Variants in TJP3 observed in about 807,000 individuals in gnomAD.
TJP3 encodes the protein tight junction protein ZO-3.
Under a neutral mutation model 104.2 loss-of-function variants are expected in TJP3, and 85 were observed. That is an observed-to-expected ratio of 0.82 (90% CI 0.68 to 0.98). The LOEUF is 0.98. Among genes scored for constraint, TJP3 ranks in the 50% least tolerant of loss-of-function variants. The pLI is 0.00. For synonymous variants in TJP3, 550 were observed against 550.6 expected (o/e 1.00, Z 0.02); for missense variants, 1,367 against 1,322.8 (o/e 1.03, Z -0.52).
At chr19:3,718,208 A>G (rs1407848154) in intron 1 of TJP3, among the ~76,000 whole-genome samples, 1 of 128,092 alleles carries the variant, frequency 7.8e-6, no homozygotes, top group Non-Finnish European at 1.7e-5. Flanking sequence ...AAAAAAAAAA[A>G]AAAAGTGTGT....
chr19:3,729,898 G>T, intron 3 of TJP3, 130 bp from the exon 4 acceptor site: 1 of 708,240 alleles, frequency 1.4e-6, no homozygotes, highest in Non-Finnish European at 2.5e-6. Context: ...TGTGAACCTA[G>T]GGACACCAAT....
chr19:3,713,173 A>G (rs564762341), intron 1 of TJP3, among the ~76,000 whole-genome samples: 1 of 152,086 alleles, frequency 6.6e-6, no homozygotes, highest in African/African-American at 2.4e-5. Flanking sequence ...GGCCACACCT[A>G]GAATCTGCCC....
At chr19:3,726,075 G>A (rs945542817) in intron 1 of TJP3, among the ~76,000 whole-genome samples, 14 of 152,250 alleles carry the variant, frequency 9.2e-5, no homozygotes, top group Non-Finnish European at 1.9e-4. Context: ...CGCACCAATG[G>A]GGGGTGCCTG....
In TJP3 at chr19:3,711,060, C is replaced by T. The variant is rs1353947947; in HGVS notation, c.-10+2499C>T. Among the ~76,000 whole-genome samples the T allele has an allele frequency of 4.8e-3, 366 of 75,806 alleles. 25 individuals carry two copies. Among genetic ancestry groups the T allele is most frequent in the African/African-American group, 0.013 (290 of 22,378 alleles). The allele number at this position is 75,806 out of a possible 152,430, so 49.7% of individuals were successfully genotyped here. ...CTGGGACTACAGGCGCCCGCCACCA[C>T]ACCCGGCTAATTTTTTGTATTTTTA... is the stretch of plus-strand genomic sequence containing the variant. On this transcript the variant is annotated intron_variant, in intron 1 of 20. Transcript: ENST00000541714.
chr19:3,748,092 C>T lies in TJP3; in HGVS notation c.2610+11C>T. The T allele has an allele frequency of 6.5e-7, 1 of 1,542,328 alleles. No homozygotes were observed. Among genetic ancestry groups the T allele is most frequent in the South Asian group, 1.2e-5 (1 of 82,322 alleles). ...CATCAGGGGGCCCAGGTGCGTCGGA[C>T]ATGGGGGGCAGGCCTGGGAAGGGTC... is the stretch of plus-strand genomic sequence containing the variant. On this transcript the variant is annotated intron_variant, in intron 19 of 20. Coordinates refer to ENST00000541714, the MANE Select transcript of TJP3 (RefSeq NM_001267560.2).
chr19:3,718,241 GTGTGTGTGTGTGTGTC>G lies in TJP3; in HGVS notation c.-10+9692_-10+9707del, dbSNP rs1177782198. The stretch of plus-strand genomic sequence containing the variant: ...TGTGTGTGTGTGTGTGTGTGTGTGT[GTGTGTGTGTGTGTGTC>G]TGTGTGTGTGTAGAGATGGAAGTCT... On this transcript the variant is annotated intron_variant, in intron 1 of 20. Coordinates refer to ENST00000541714, the MANE Select transcript of TJP3 (RefSeq NM_001267560.2). Among the ~76,000 whole-genome samples the G allele has an allele frequency of 8.8e-3, 1,083 of 122,950 alleles. 23 individuals carry two copies. The highest frequency in any genetic ancestry group is 0.022 in the African/African-American group (614 of 28,250). The allele number at this position is 122,950 out of a possible 152,430, so 80.7% of individuals were successfully genotyped here. A position where few individuals can be genotyped will look rare whatever the true frequency, so the allele number is the denominator to read the frequency against.
intron 6 of TJP3, among the ~76,000 whole-genome samples, chr19:3,732,299 ATCAGAGAC>A (rs1183083866): frequency 1.3e-5 from 2 of 152,096 alleles, no homozygotes; most frequent in Non-Finnish European, 2.9e-5. Context: ...TTTGATGTGC[ATCAGAGAC>A]TCATGTGGGC....
chr19:3,747,844 C>T lies in TJP3; in HGVS notation c.2373C>T (p.Ala791=), dbSNP rs1203032596. 1.2e-5 allele frequency: 20 copies of T among 1,610,176 alleles called. No individual in the cohort carries two copies. The highest frequency in any genetic ancestry group is 1.6e-5 in the Non-Finnish European group (19 of 1,179,524). The part of the protein sequence containing the change: ...DNLDLPHHGL[A]DSSADLSCDS... ...TAGACCTCCCTCACCACGGCCTGGC[C>T]GACAGCTCCGCTGACCTCAGCTGCG... Residue 791 remains alanine, a synonymous_variant, in exon 19 of 21, where the codon GCC becomes GCT. Coordinates refer to ENST00000541714, the MANE Select transcript of TJP3 (RefSeq NM_001267560.2).
At chr19:3,735,837 G>A (rs1415280446) in intron 9 of TJP3, 32 bp from the exon 10 acceptor site, 5 of 1,613,278 alleles carry the variant, frequency 3.1e-6, no homozygotes, top group Non-Finnish European at 3.4e-6. Flanking sequence ...GAGCCAGTGT[G>A]CTTGGGAAAG....
At position 3,737,064 on chromosome 19, in the gene TJP3, G is replaced by A. The variant is rs576172165; in HGVS notation, c.1284+743G>A. ...CCAGCTAATTTTTGTGTTTTTAGTAGAGACAGGGTTTCACCATGTTGGCCA... is the reference window on the plus strand; with the variant it reads ...CCAGCTAATTTTTGTGTTTTTAGTAAAGACAGGGTTTCACCATGTTGGCCA... On this transcript the variant is annotated intron_variant, in intron 11 of 20. Coordinates refer to ENST00000541714, the MANE Select transcript of TJP3 (RefSeq NM_001267560.2). 7.4e-4 allele frequency among the ~76,000 whole-genome samples: 112 copies of A among 150,458 alleles called. 2 individuals are homozygous for A. The highest frequency in any genetic ancestry group is 1.4e-3 in the Non-Finnish European group (92 of 67,604).
intron 3 of TJP3, 22 bp downstream of exon 3, chr19:3,728,735 T>A (rs2036632587): frequency 6.2e-7 from 1 of 1,610,836 alleles, no homozygotes; most frequent in Non-Finnish European, 8.5e-7. Flanking sequence ...GGCAGCTGGG[T>A]TCTGGCGGGG....
chr19:3,738,540 C>T lies in TJP3; in HGVS notation c.1285-15C>T, dbSNP rs750037718. On this transcript the variant is annotated splice_polypyrimidine_tract_variant and intron_variant, in intron 11 of 20. Transcript: ENST00000541714. ...TACCAGAGCTTTTTCTATAGCTGCACTTGCTTTCTGGCAGGTGAATGACGT... is the reference window on the plus strand; with the variant it reads ...TACCAGAGCTTTTTCTATAGCTGCATTTGCTTTCTGGCAGGTGAATGACGT... 2 of 1,610,286 alleles carry T rather than the reference C, an allele frequency of 1.2e-6. No individual in the cohort carries two copies. Among genetic ancestry groups the T allele is most frequent in the Non-Finnish European group, 1.7e-6 (2 of 1,177,464 alleles).
At chr19:3,711,445 C>T (rs555357536) in intron 1 of TJP3, among the ~76,000 whole-genome samples, 6 of 151,408 alleles carry the variant, frequency 4.0e-5, no homozygotes, top group Admixed American at 2.0e-4. Context: ...GTGATTCGCT[C>T]GCCTCGGCCT....
At chr19:3,739,219 C>T (rs902056381) in intron 13 of TJP3, 85 bp downstream of exon 13, 64 of 1,304,168 alleles carry the variant, frequency 4.9e-5, no homozygotes, top group Non-Finnish European at 6.3e-5. Context: ...GGGCTGGACG[C>T]GGTGGCTCAG....
chr19:3,746,345 C>T lies in TJP3; in HGVS notation c.2011-140C>T, dbSNP rs992099808. The stretch of plus-strand genomic sequence containing the variant: ...GATGCTGCGACCTGGGCTGTTACCA[C>T]CCCCATCCCCAACTTGCTAGCCTGT... On this transcript the variant is annotated intron_variant, in intron 16 of 20. Coordinates refer to ENST00000541714, the MANE Select transcript of TJP3 (RefSeq NM_001267560.2). The surrounding 1 kb of genome is among the most constrained non-coding windows in gnomAD (Gnocchi z 4.1). The T allele has an allele frequency of 1.4e-5, 13 of 946,660 alleles. No homozygotes were observed. The South Asian group carries it at 1.8e-4, about 13-fold the overall frequency. The allele number at this position is 946,660 out of a possible 1,614,324, so 58.6% of individuals were successfully genotyped here.
intron 14 of TJP3, among the ~76,000 whole-genome samples, 189 bp downstream of exon 14, chr19:3,740,952 C>T (rs566281391): frequency 8.5e-5 from 13 of 152,166 alleles, no homozygotes; most frequent in South Asian, 4.1e-4. Flanking sequence ...TCAACCTGGG[C>T]GGTAAAGCAA....
chr19:3,734,752 C>T (rs1025499690), intron 8 of TJP3, among the ~76,000 whole-genome samples: 6 of 152,184 alleles, frequency 3.9e-5, no homozygotes, highest in Admixed American at 2.6e-4. Context: ...GTTAGGAGTT[C>T]GAGAACAGCC....
chr19:3,725,791 G>T (rs1370918165), intron 1 of TJP3, among the ~76,000 whole-genome samples: 1 of 151,810 alleles, frequency 6.6e-6, no homozygotes, highest in Non-Finnish European at 1.5e-5. Flanking sequence ...CATTGAATCT[G>T]TACCCTTTTC....
intron 6 of TJP3, among the ~76,000 whole-genome samples, chr19:3,732,371 G>T (rs1380703354): frequency 1.3e-5 from 2 of 152,106 alleles, no homozygotes; most frequent in Non-Finnish European, 2.9e-5. Flanking sequence ...CCAGTCACCA[G>T]GTTTAGGGGA....
Sources: gnomAD v4.1 joint callset for allele counts (sites outside exome capture counted in the v4.1 genomes callset) on GRCh38, gnomAD v4.1.1 for gene constraint, Gnocchi (gnomAD v3.1) non-coding constraint, MANE v1.5 for transcripts, NCBI Gene and HGNC (gene_info 2026-07-23, HGNC 2026-07-21) for gene names.